The following SUSD4 variants were observed in gnomAD, a reference collection of about 807,000 sequenced individuals.
SUSD4 encodes sushi domain-containing protein 4.
In SUSD4, 41 loss-of-function variants were observed where a neutral mutation model predicts 50.5. The ratio of observed to expected loss-of-function variants is 0.81; its 90% CI spans 0.63 to 1.05. SUSD4 has a LOEUF of 1.05. Among genes scored for constraint, SUSD4 ranks in the 50% least tolerant of loss-of-function variants. The pLI is 0.00. For missense variants in SUSD4, 580 were observed against 634.7 expected (o/e 0.91, Z 0.93); for synonymous variants, 257 against 257.3 (o/e 1.00, Z 0.01).
rs887750614 is a variant in SUSD4 at position 223,264,008 on chromosome 1, C to A, written c.724+622G>T. 9.1e-6 allele frequency: 9 copies of A among 985,332 alleles called. No individual in the cohort carries two copies. The South Asian group carries it at 4.2e-4, about 46-fold the overall frequency. The allele number at this position is 985,332 out of a possible 1,614,324, so 61.0% of individuals were successfully genotyped here. ...TAAAGCAAGAGCTGAACCAGCATGT[C>A]CAACTTGCCTAGCAGAAGTGTTTAC... On this transcript the variant is annotated intron_variant, in intron 5 of 8. Transcript: ENST00000366878.
At chr1:223,333,077 C>A (rs1667263180) in intron 2 of SUSD4, among the ~76,000 whole-genome samples, 1 of 152,152 alleles carries the variant, frequency 6.6e-6, no homozygotes, top group African/African-American at 2.4e-5. Flanking sequence ...CCATCCACAG[C>A]CCAGCATGGC....
rs1258020618 is a variant in SUSD4, at chr1:223,227,321, A to G, written c.1061+273T>C. On this transcript the variant is annotated intron_variant, in intron 7 of 8. Coordinates refer to ENST00000366878, the MANE Select transcript of SUSD4 (RefSeq NM_017982.4). The surrounding 1 kb of genome is among the most constrained non-coding windows in gnomAD (Gnocchi z 4.5). ...CTGGGTGGAGCAGTCCACAGCCTGT[A>G]GCCCTAACTCTGTGATCCCATCGCT... 6.6e-6 allele frequency among the ~76,000 whole-genome samples: 1 copy of G among 152,156 alleles called. No individual in the cohort carries two copies. The highest frequency in any genetic ancestry group is 1.9e-4 in the East Asian group (1 of 5,182).
chr1:223,350,976 A>G (rs565689374), intron 2 of SUSD4, among the ~76,000 whole-genome samples: 15 of 152,356 alleles, frequency 9.8e-5, no homozygotes, highest in African/African-American at 3.4e-4. Context: ...AAAATATAAC[A>G]ATAACAATGA....
intron 7 of SUSD4, among the ~76,000 whole-genome samples, chr1:223,224,901 AC>A (rs1571822570): frequency 8.7e-6 from 1 of 114,802 alleles, no homozygotes; most frequent in East Asian, 2.4e-4. Context: ...ATAGAGTCTC[AC>A]TCTGTCACTC....
rs775707226 is a variant in SUSD4, at chr1:223,347,721, G to A, written c.148+15557C>T. Among the ~76,000 whole-genome samples, 18 of 70,462 alleles carry A rather than the reference G, an allele frequency of 2.6e-4. 3 individuals carry two copies. The highest frequency in any genetic ancestry group is 2.5e-4 in the African/African-American group (4 of 15,864). The allele number at this position is 70,462 out of a possible 152,430, so 46.2% of individuals were successfully genotyped here. A position where few individuals can be genotyped will look rare whatever the true frequency, so the allele number is the denominator to read the frequency against. ...ATCCATGAAATAATTAATCTAAGGC[G>A]CTATTTTACAATAAGTAAATAAAGG... On this transcript the variant is annotated intron_variant, in intron 2 of 8. Coordinates refer to ENST00000366878, the MANE Select transcript of SUSD4 (RefSeq NM_017982.4).
At chr1:223,316,962 T>C (rs1305070045) in intron 2 of SUSD4, among the ~76,000 whole-genome samples, 2 of 151,958 alleles carry the variant, frequency 1.3e-5, no homozygotes, top group African/African-American at 4.8e-5. Flanking sequence ...GCGCAGACCT[T>C]GTAAAGGCAT....
In SUSD4 at chr1:223,227,537, A is replaced by C. The variant is rs1659598286; in HGVS notation, c.1061+57T>G. ...CTCATCACTTTCTCCCTCTGCTGCT[A>C]AGGGTAGCTGCATTGAGTCAGACCT... On this transcript the variant is annotated intron_variant, in intron 7 of 8. Transcript: ENST00000366878. The surrounding 1 kb of genome is among the most constrained non-coding windows in gnomAD (Gnocchi z 4.5). 6 of 1,585,998 alleles carry C rather than the reference A, an allele frequency of 3.8e-6. No individual in the cohort carries two copies. In the South Asian group the frequency reaches 5.7e-5, roughly 15 times the overall value.
At position 223,227,626 on chromosome 1, in the gene SUSD4, G is replaced by A. The variant is rs752521155; in HGVS notation, c.1029C>T (p.Phe343=). Residue 343 remains phenylalanine (F), a synonymous_variant, in exon 7 of 9, where the codon TTC becomes TTT. Coordinates refer to ENST00000366878, the MANE Select transcript of SUSD4 (RefSeq NM_017982.4). This position sits in a 1 kb window ranked among gnomAD's most constrained non-coding sequence, Gnocchi z 4.5. ...VLLLVILARM[F]QTKFKAHFPP... ...GAAAGTGGGCCTTGAACTTGGTCTGGAACATCCTGGCCAGGATGACGAGCA... is the reference window on the plus strand; with the variant it reads ...GAAAGTGGGCCTTGAACTTGGTCTGAAACATCCTGGCCAGGATGACGAGCA... The A allele has an allele frequency of 1.2e-5, 19 of 1,613,764 alleles. No homozygotes were observed. Among genetic ancestry groups the A allele is most frequent in the Non-Finnish European group, 1.6e-5 (19 of 1,179,964 alleles).
chr1:223,335,300 T>C (rs1667397994), intron 2 of SUSD4, among the ~76,000 whole-genome samples: 1 of 152,238 alleles, frequency 6.6e-6, no homozygotes, highest in Non-Finnish European at 1.5e-5. Context: ...ATCTCCACAC[T>C]GTTTTTCTTA....
chr1:223,282,083 G>A (rs1321612353), intron 3 of SUSD4, among the ~76,000 whole-genome samples: 1 of 152,138 alleles, frequency 6.6e-6, no homozygotes, highest in Non-Finnish European at 1.5e-5. Flanking sequence ...TTGATGGGAT[G>A]TATCTCAAAA....
chr1:223,233,216 C>T (rs1660005856), intron 5 of SUSD4, among the ~76,000 whole-genome samples: 3 of 152,150 alleles, frequency 2.0e-5, no homozygotes, highest in Admixed American at 2.0e-4. Context: ...GATGCATTTT[C>T]CCCTTAAGTA....
chr1:223,226,690 G>T (rs1175014018), intron 7 of SUSD4, among the ~76,000 whole-genome samples: 2 of 152,284 alleles, frequency 1.3e-5, no homozygotes, highest in East Asian at 1.9e-4. Flanking sequence ...TGGGGACTAG[G>T]CTGTCCCTGT....
At chr1:223,346,125 C>A (rs1668018683) in intron 2 of SUSD4, among the ~76,000 whole-genome samples, 1 of 152,124 alleles carries the variant, frequency 6.6e-6, no homozygotes, top group South Asian at 2.1e-4. Flanking sequence ...TGGTCTCCAC[C>A]CTCTAGACAG....
chr1:223,308,615 T>G (rs535279709), intron 2 of SUSD4, among the ~76,000 whole-genome samples: 15 of 152,348 alleles, frequency 9.8e-5, no homozygotes, highest in African/African-American at 3.4e-4. Flanking sequence ...AATTACAGAA[T>G]GTTATTGCTG....
At chr1:223,355,362 C>T (rs1668602930) in intron 2 of SUSD4, among the ~76,000 whole-genome samples, 1 of 151,726 alleles carries the variant, frequency 6.6e-6, no homozygotes, top group Non-Finnish European at 1.5e-5. Flanking sequence ...GCATGAGCCA[C>T]CGTGCCCGGC....
chr1:223,223,101 G>A (rs1571815037), intron 8 of SUSD4, 148 bp downstream of exon 8: 4 of 1,181,944 alleles, frequency 3.4e-6, no homozygotes, highest in East Asian at 2.7e-5. Flanking sequence ...TGGAGAGAGA[G>A]CATGAAGCAA....
intron 5 of SUSD4, among the ~76,000 whole-genome samples, chr1:223,255,895 G>A (rs1341988): frequency 0.24 from 37,224 of 152,114 alleles, 5,690 homozygotes; most frequent in Non-Finnish European, 0.35. Flanking sequence ...TCTGGCCAGC[G>A]GGTTTATTCA....
At chr1:223,363,219 A>C (rs1462399412) in intron 2 of SUSD4, 59 bp downstream of exon 2, 18 of 1,437,270 alleles carry the variant, frequency 1.3e-5, no homozygotes, top group Middle Eastern at 1.9e-4. Flanking sequence ...CCTGGCAGCT[A>C]GGCTCTTTCT....
intron 5 of SUSD4, among the ~76,000 whole-genome samples, chr1:223,246,948 C>G (rs1660979159): frequency 1.3e-5 from 2 of 152,338 alleles, no homozygotes; most frequent in East Asian, 1.9e-4. Context: ...AATATTTTAA[C>G]TTACTAAATG....
Sources: gnomAD v4.1 joint callset for allele counts (sites outside exome capture counted in the v4.1 genomes callset) on GRCh38, gnomAD v4.1.1 for gene constraint, Gnocchi (gnomAD v3.1) non-coding constraint, MANE v1.5 for transcripts, NCBI Gene and HGNC (gene_info 2026-07-23, HGNC 2026-07-21) for gene names.